BTBD8: variants seen among roughly 807,000 people sequenced by gnomAD.
The protein encoded by BTBD8 is BTB/POZ domain-containing protein 8.
Under a neutral mutation model 162.9 loss-of-function variants are expected in BTBD8, and 110 were observed. The observed-to-expected ratio is 0.68, with a 90% CI of 0.58 to 0.79. The LOEUF is 0.79. Among genes scored for constraint, BTBD8 ranks in the 30% least tolerant of loss-of-function variants. The pLI, the probability that BTBD8 is intolerant of heterozygous loss-of-function variation, is 0.00. For missense variants in BTBD8, 1,905 were observed against 2,085.4 expected (o/e 0.91, Z 1.68); for synonymous variants, 667 against 716.1 (o/e 0.93, Z 1.10).
At chr1:92,160,066 C>T (rs942975954) in intron 9 of BTBD8, among the ~76,000 whole-genome samples, 2 of 151,910 alleles carry the variant, frequency 1.3e-5, no homozygotes, top group African/African-American at 2.4e-5. Context: ...TACTATTTTT[C>T]ATTCTTTGTG....
chr1:92,100,534 G>T (rs1224522470), intron 2 of BTBD8, among the ~76,000 whole-genome samples: 3 of 151,962 alleles, frequency 2.0e-5, no homozygotes, highest in Non-Finnish European at 4.4e-5. Context: ...TTCTTCTTGA[G>T]TCAGGTTTGG....
intron 2 of BTBD8, among the ~76,000 whole-genome samples, chr1:92,098,240 T>C (rs523692): frequency 0.032 from 4,803 of 152,252 alleles, 89 homozygotes; most frequent in African/African-American, 0.039. Context: ...TATAAATAAA[T>C]CTTTCAAGGT....
At chr1:92,129,003 T>C (rs946665704) in intron 4 of BTBD8, among the ~76,000 whole-genome samples, 2 of 152,098 alleles carry the variant, frequency 1.3e-5, no homozygotes, top group African/African-American at 4.8e-5. Context: ...ATTTACACTT[T>C]AGTATGAGAT....
At chr1:92,168,775 G>A in intron 11 of BTBD8, 91 bp from the exon 12 acceptor site, 1 of 1,229,210 alleles carries the variant, frequency 8.1e-7, no homozygotes, top group Non-Finnish European at 1.1e-6. Context: ...CATTGATCTA[G>A]CTTAGGAGTA....
chr1:92,148,467 A>T (rs1333933823), intron 9 of BTBD8, among the ~76,000 whole-genome samples: 1 of 152,204 alleles, frequency 6.6e-6, no homozygotes, highest in Admixed American at 6.5e-5. Context: ...GTATTGAGGA[A>T]AGGCCTTTGA....
chr1:92,182,715 T>G (rs1209737787), intron 17 of BTBD8, 120 bp downstream of exon 17: 39 of 531,384 alleles, frequency 7.3e-5, no homozygotes, highest in Non-Finnish European at 1.9e-5. Flanking sequence ...AAGCAACAGA[T>G]TAAAATTTTA....
intron 5 of BTBD8, among the ~76,000 whole-genome samples, chr1:92,131,092 G>T (rs1217296280): frequency 6.6e-6 from 1 of 152,196 alleles, no homozygotes; most frequent in Non-Finnish European, 1.5e-5. Context: ...TAAAGAGGTA[G>T]AAATCACTGA....
At chr1:92,142,111 T>C (rs1369271913) in intron 7 of BTBD8, among the ~76,000 whole-genome samples, 1 of 152,210 alleles carries the variant, frequency 6.6e-6, no homozygotes, top group East Asian at 1.9e-4. Flanking sequence ...CCATAAGGTT[T>C]ACTGAGAAAT....
At chr1:92,080,838 C>T (rs2101886594) in intron 1 of BTBD8, 118 bp downstream of exon 1, 4 of 1,457,676 alleles carry the variant, frequency 2.7e-6, no homozygotes, top group South Asian at 2.6e-5. Context: ...CTCCTCGCCT[C>T]AGGCGACTGC....
chr1:92,184,362 C>A lies in BTBD8; in HGVS notation c.*32C>A. On this transcript the variant is annotated 3_prime_UTR_variant, in exon 18 of 18. Transcript: ENST00000636805. ...ACATTTTGGAAAAATTTATGCCACT[C>A]CTTTATTTTTTGATGCCTATATTAT... The A allele has an allele frequency of 7.1e-7, 1 of 1,402,082 alleles. No individual in the cohort carries two copies. Among genetic ancestry groups the A allele is most frequent in the South Asian group, 1.4e-5 (1 of 71,810 alleles). The allele number at this position is 1,402,082 out of a possible 1,614,324, so 86.9% of individuals were successfully genotyped here. A position where few individuals can be genotyped will look rare whatever the true frequency, so the allele number is the denominator to read the frequency against.
Position 92,181,566 on chromosome 1 carries a change from G to A in BTBD8, c.3883G>A (p.Asp1295Asn). Residue 1295 changes from aspartate (D) to asparagine (N), a missense_variant, in exon 17 of 18, where the codon GAT (aspartate) becomes AAT (asparagine). Physicochemically the swap from Asp to Asn is conservative, Grantham distance 23. Around this residue, in one of 3 missense-constraint regions of BTBD8, gnomAD observed 517 missense variants for 606.6 expected, o/e 0.85. Coordinates refer to ENST00000636805, the MANE Select transcript of BTBD8 (RefSeq NM_001376131.1). ...TAAATGTGGCACTATGCTGTGCCATGATTTTCTTGGAAGAAGTAGCAGTGA... is the reference window on the plus strand; with the variant it reads ...TAAATGTGGCACTATGCTGTGCCATAATTTTCTTGGAAGAAGTAGCAGTGA... ...ISKCGTMLCH[D>N]FLGRSSSDTS... The A allele has an allele frequency of 6.4e-7, 1 of 1,551,480 alleles. No homozygotes were observed. The highest frequency in any genetic ancestry group is 8.7e-7 in the Non-Finnish European group (1 of 1,146,764).
At position 92,141,165 on chromosome 1, in the gene BTBD8, T is replaced by C; in HGVS notation, c.884T>C (p.Val295Ala). 2 of 1,583,320 alleles carry C rather than the reference T, an allele frequency of 1.3e-6. No individual in the cohort carries two copies. The highest frequency in any genetic ancestry group is 1.7e-6 in the Non-Finnish European group (2 of 1,163,116). The change falls in exon 7 of 18, where the codon GTA becomes GCA. Residue 295 changes from valine to alanine, a missense_variant. Around this residue, in one of 3 missense-constraint regions of BTBD8, gnomAD observed 1,374 missense variants for 1,442.7 expected, o/e 0.95. Transcript: ENST00000636805. ...TATGGACTAGAAGGATTAAAAGAAG[T>C]AGCAATCTATATTTTAAGAAGAGAT... is the stretch of plus-strand genomic sequence containing the variant. ...DMYGLEGLKE[V>A]AIYILRRDYC... is the part of the protein sequence containing the mutation.
intron 9 of BTBD8, among the ~76,000 whole-genome samples, chr1:92,158,753 T>TA (rs1452869936): frequency 1.3e-5 from 2 of 151,902 alleles, no homozygotes; most frequent in Non-Finnish European, 2.9e-5. Context: ...AGTTTTGCTG[T>TA]AAACCTAAAA....
chr1:92,123,996 G>A (rs1557447971), intron 4 of BTBD8, among the ~76,000 whole-genome samples: 1 of 151,824 alleles, frequency 6.6e-6, no homozygotes, highest in Non-Finnish European at 1.5e-5. Flanking sequence ...GTGGCCGTTC[G>A]GGATCCAACT....
At chr1:92,168,073 A>C in intron 11 of BTBD8, 88 bp downstream of exon 11, 2 of 1,242,948 alleles carry the variant, frequency 1.6e-6, no homozygotes, top group South Asian at 3.7e-5. Context: ...TTGCAGGGTC[A>C]TTGAAGCTAG....
intron 4 of BTBD8, chr1:92,125,854 T>C (rs1252566986): frequency 3.4e-5 from 14 of 411,928 alleles, no homozygotes; most frequent in African/African-American, 8.3e-5. Flanking sequence ...TTCTAGGTGA[T>C]TGAGCAAGGA....
At position 92,113,779 on chromosome 1, in the gene BTBD8, G is replaced by A. The variant is rs550032185; in HGVS notation, c.662+5778G>A. ...TGTAATCCCAGCACTTTGGGAGGCC[G>A]AGGCGGGCGGATCATGAGGTCAGGA... On this transcript the variant is annotated intron_variant, in intron 4 of 17. Coordinates refer to ENST00000636805, the MANE Select transcript of BTBD8 (RefSeq NM_001376131.1). Among the ~76,000 whole-genome samples the A allele has an allele frequency of 5.2e-4, 79 of 151,932 alleles. 1 individual carries two copies. Among genetic ancestry groups the A allele is most frequent in the Admixed American group, 1.4e-3 (21 of 15,272 alleles).
chr1:92,093,169 A>G (rs1188496475), intron 2 of BTBD8, among the ~76,000 whole-genome samples: 3 of 146,616 alleles, frequency 2.0e-5, no homozygotes, highest in East Asian at 4.0e-4. Flanking sequence ...TAGGCTCATC[A>G]TTGAGTTTGA....
At chr1:92,159,174 CT>C (rs567328682) in intron 9 of BTBD8, among the ~76,000 whole-genome samples, 5,957 of 142,052 alleles carry the variant, frequency 0.042, 420 homozygotes, top group African/African-American at 0.15. Flanking sequence ...TTCTTTCTTT[CT>C]TTTTTTTTTT....
Sources: allele counts gnomAD v4.1 joint callset (sites outside exome capture counted in the v4.1 genomes callset), GRCh38; gene constraint gnomAD v4.1.1; regional missense constraint gnomAD v4.1.1; transcripts MANE v1.5; gene names NCBI Gene and HGNC (gene_info 2026-07-23, HGNC 2026-07-21).